Variants in STPG1 observed in about 807,000 individuals in gnomAD.
STPG1 encodes the protein O(6)-methylguanine-induced apoptosis 2.
A neutral mutation model predicts 40.1 loss-of-function variants in STPG1; 33 were observed. That is an observed-to-expected ratio of 0.82 (90% CI 0.62 to 1.10). STPG1 has a LOEUF of 1.10. Ranked by LOEUF, STPG1 falls within the 50% of genes least tolerant of loss-of-function variation. The pLI, the probability that STPG1 is intolerant of heterozygous loss-of-function variation, is 0.00. For synonymous variants in STPG1, 150 were observed against 155.0 expected, an observed-to-expected ratio of 0.97 and a Z score of 0.24; for missense variants, 396 against 415.1, an observed-to-expected ratio of 0.95 and a Z score of 0.40.
chr1:24,401,862 T>C (rs1373877138), intron 1 of STPG1, among the ~76,000 whole-genome samples: 1 of 152,060 alleles, frequency 6.6e-6, no homozygotes, highest in Non-Finnish European at 1.5e-5. Context: ...GTAATTTGTA[T>C]TTTTAGCAGA....
intron 1 of STPG1, among the ~76,000 whole-genome samples, chr1:24,401,703 A>G (rs906885879): frequency 6.6e-6 from 1 of 151,998 alleles, no homozygotes; most frequent in South Asian, 2.1e-4. Context: ...TTTATTTTTT[A>G]TTTTTTGATA....
At position 24,358,243 on chromosome 1, in the gene STPG1, G is replaced by A. The variant is rs1411133391; in HGVS notation, c.*300C>T. Reference sequence around the variant, plus strand: ...TCAGTCTGCGGCAGGGAGTCGTGCCGGAAGGCAGCCTGGATGGGTGCGTGG... The same window carrying A: ...TCAGTCTGCGGCAGGGAGTCGTGCCAGAAGGCAGCCTGGATGGGTGCGTGG... On this transcript the variant is annotated 3_prime_UTR_variant, in exon 9 of 9. Coordinates refer to ENST00000337248, the MANE Select transcript of STPG1 (RefSeq NM_001199013.2). 1.5e-5 allele frequency: 9 copies of A among 608,160 alleles called. No homozygotes were observed. Among genetic ancestry groups the A allele is most frequent in the Middle Eastern group, 5.1e-4 (2 of 3,936 alleles). 37.7% of individuals were successfully genotyped at this position (608,160 alleles called of 1,614,324 possible). A position where few individuals can be genotyped will look rare whatever the true frequency, so the allele number is the denominator to read the frequency against.
At chr1:24,396,274 T>TAG (rs1570079647) in intron 2 of STPG1, among the ~76,000 whole-genome samples, 1 of 92,622 alleles carries the variant, frequency 1.1e-5, no homozygotes, top group East Asian at 4.7e-4. Context: ...TCTATAGCTA[T>TAG]CTATCTATCT....
chr1:24,398,191 A>C (rs1454888925), intron 2 of STPG1, among the ~76,000 whole-genome samples: 1 of 152,132 alleles, frequency 6.6e-6, no homozygotes, highest in Non-Finnish European at 1.5e-5. Context: ...GATGCTAAGC[A>C]GTCCTTCATA....
At position 24,379,793 on chromosome 1, in the gene STPG1, A is replaced by G; in HGVS notation, c.322T>C (p.Tyr108His). 6.2e-7 allele frequency: 1 copy of G among 1,614,114 alleles called. No individual in the cohort carries two copies. The highest frequency in any genetic ancestry group is 8.5e-7 in the Non-Finnish European group (1 of 1,179,938). The stretch of plus-strand genomic sequence containing the variant: ...ATAGTGTATGCATTCGCTGCAGGGT[A>G]TTTAGAAATGATGGTGTCCAATCGG... ...CARLDTIISK[Y>H]PAANAYTIPS... is the part of the protein sequence containing the mutation. Residue 108 changes from tyrosine (Y) to histidine (H), a missense_variant, in exon 5 of 9, where the codon TAC becomes CAC. Coordinates refer to ENST00000337248, the MANE Select transcript of STPG1 (RefSeq NM_001199013.2).
rs1465538518 is a variant in STPG1, at chr1:24,359,960, G to A, written c.928+891C>T. Among the ~76,000 whole-genome samples the A allele has an allele frequency of 1.3e-5, 2 of 152,106 alleles. No individual in the cohort carries two copies. The highest frequency in any genetic ancestry group is 4.8e-5 in the African/African-American group (2 of 41,414). ...CTGTAAAAAGAGTGTGGCGCTAGAA[G>A]GTTCAAAAGAGCTGCTCCGTTGGAC... On this transcript the variant is annotated intron_variant, in intron 8 of 8. Coordinates refer to ENST00000337248, the MANE Select transcript of STPG1 (RefSeq NM_001199013.2). The surrounding 1 kb of genome is among the most constrained non-coding windows in gnomAD (Gnocchi z 5.3).
At chr1:24,397,279 G>A (rs1237223170) in intron 2 of STPG1, among the ~76,000 whole-genome samples, 1 of 152,124 alleles carries the variant, frequency 6.6e-6, no homozygotes, top group Non-Finnish European at 1.5e-5. Flanking sequence ...TAAACAAGTA[G>A]ATAGATCAGT....
intron 6 of STPG1, 109 bp from the exon 7 acceptor site, chr1:24,369,948 T>C (rs1641658789): frequency 2.1e-6 from 2 of 937,894 alleles, no homozygotes; most frequent in Non-Finnish European, 1.6e-6. Flanking sequence ...ACCATCACTC[T>C]AGGATGGCCA....
intron 7 of STPG1, chr1:24,364,305 G>T: frequency 6.5e-7 from 1 of 1,549,810 alleles, no homozygotes; most frequent in Non-Finnish European, 8.7e-7. Context: ...GGAGGCAGAG[G>T]GACCTGGATT....
rs1273925113 is a variant in STPG1, at chr1:24,357,218, T to G, written c.*1325A>C. The G allele has an allele frequency of 6.6e-6, 1 of 152,244 alleles. No individual in the cohort carries two copies. The highest frequency in any genetic ancestry group is 6.5e-5 in the Admixed American group (1 of 15,286). 9.4% of individuals were successfully genotyped at this position (152,244 alleles called of 1,614,324 possible). A position where few individuals can be genotyped will look rare whatever the true frequency, so the allele number is the denominator to read the frequency against. On this transcript the variant is annotated 3_prime_UTR_variant, in exon 9 of 9. Transcript: ENST00000337248. The stretch of plus-strand genomic sequence containing the variant: ...GCTCTGCCCAGGCGAGGCCTCACTG[T>G]GGCTGTGACGCACCCTTGATGTCAG...
rs537239734 is a variant in STPG1, at chr1:24,385,522, G to C, written c.190-1519C>G. 3.3e-5 allele frequency among the ~76,000 whole-genome samples: 5 copies of C among 152,222 alleles called. No homozygotes were observed. In the South Asian group the frequency reaches 1.0e-3, roughly 32 times the overall value. On this transcript the variant is annotated intron_variant, in intron 3 of 8. Coordinates refer to ENST00000337248, the MANE Select transcript of STPG1 (RefSeq NM_001199013.2). ...GATTTTTCTAGGCAACTGTTTTCAG[G>C]GCAAGCATCAATTTCTCGAGTGCTC...
At chr1:24,369,507 C>T in intron 7 of STPG1, 167 bp downstream of exon 7, 1 of 721,998 alleles carries the variant, frequency 1.4e-6, no homozygotes. Context: ...AAGTATCAGG[C>T]ATTCAACAGG....
chr1:24,391,428 T>C, intron 3 of STPG1, 133 bp downstream of exon 3: 1 of 561,510 alleles, frequency 1.8e-6, no homozygotes, highest in Non-Finnish European at 3.1e-6. Flanking sequence ...TCAGTGGAGC[T>C]GGTGCCGCGG....
chr1:24,407,626 C>A (rs981446789), intron 1 of STPG1, among the ~76,000 whole-genome samples: 1 of 151,814 alleles, frequency 6.6e-6, no homozygotes, highest in Non-Finnish European at 1.5e-5. Context: ...TTAGTAGACA[C>A]GGGGTTTCAC....
chr1:24,364,198 C>T (rs1641300949), intron 7 of STPG1: 1 of 1,516,028 alleles, frequency 6.6e-7, no homozygotes, highest in African/African-American at 1.4e-5. Context: ...AACTTCTCTC[C>T]TCCACCCACG....
At chr1:24,368,708 C>T (rs1328462461) in intron 7 of STPG1, 1 of 152,094 alleles carries the variant, frequency 6.6e-6, no homozygotes, top group Non-Finnish European at 1.5e-5. Flanking sequence ...ATTTTATTTA[C>T]TTTTTTTGTT....
intron 4 of STPG1, among the ~76,000 whole-genome samples, chr1:24,383,479 C>T (rs1642375633): frequency 6.6e-6 from 1 of 152,166 alleles, no homozygotes; most frequent in Admixed American, 6.5e-5. Flanking sequence ...TTTTCAGGCC[C>T]ACTGCCGGCT....
chr1:24,379,721 T>C lies in STPG1; in HGVS notation c.394A>G (p.Ser132Gly). Reference protein sequence around the residue: ...SKRDFSNSCSSMFQLPSFMKA... With the variant: ...SKRDFSNSCSGMFQLPSFMKA... ...ATAAAGCTTGGCAACTGGAACATGC[T>C]GGAACACGAATTACTAAAGTCTCTC... The change falls in exon 5 of 9, where the codon AGC becomes GGC. Residue 132 changes from serine to glycine, a missense_variant. Coordinates refer to ENST00000337248, the MANE Select transcript of STPG1 (RefSeq NM_001199013.2). 1 of 1,614,200 alleles carries C rather than the reference T, an allele frequency of 6.2e-7. No homozygotes were observed. The highest frequency in any genetic ancestry group is 8.5e-7 in the Non-Finnish European group (1 of 1,180,024).
At chr1:24,382,535 T>A (rs1435723039) in intron 4 of STPG1, among the ~76,000 whole-genome samples, 1 of 151,306 alleles carries the variant, frequency 6.6e-6, no homozygotes, top group African/African-American at 2.4e-5. Flanking sequence ...TGAAGTCTTG[T>A]CTTCTACACC....
Sources: gnomAD v4.1 joint callset for allele counts (sites outside exome capture counted in the v4.1 genomes callset) on GRCh38, gnomAD v4.1.1 for gene constraint, Gnocchi (gnomAD v3.1) non-coding constraint, MANE v1.5 for transcripts, NCBI Gene and HGNC (gene_info 2026-07-23, HGNC 2026-07-21) for gene names.